EXOC6B: variants seen among roughly 807,000 people sequenced by gnomAD.
EXOC6B encodes SEC15 homolog B.
EXOC6B carries 54 observed loss-of-function variants against 113.5 expected under a neutral mutation model. The ratio of observed to expected loss-of-function variants is 0.48; its 90% CI spans 0.38 to 0.60. EXOC6B has a LOEUF of 0.60. Among genes scored for constraint, EXOC6B ranks in the 20% least tolerant of loss-of-function variants. The pLI, the probability that EXOC6B is intolerant of heterozygous loss-of-function variation, is 0.00. For missense variants in EXOC6B, 797 were observed against 977.5 expected, an observed-to-expected ratio of 0.82 and a Z score of 2.46; for synonymous variants, 357 against 339.0, an observed-to-expected ratio of 1.05 and a Z score of -0.58.
intron 6 of EXOC6B, among the ~76,000 whole-genome samples, chr2:72,605,682 G>T (rs1670711339): frequency 6.6e-6 from 1 of 152,122 alleles, no homozygotes; most frequent in African/African-American, 2.4e-5. Flanking sequence ...TATATACTAA[G>T]GACTGCGTCA....
At chr2:72,461,716 T>C (rs564067108) in intron 18 of EXOC6B, 1 of 152,038 alleles carries the variant, frequency 6.6e-6, no homozygotes, top group African/African-American at 2.4e-5. Flanking sequence ...GGGAATTACA[T>C]AGTAAAAAGG....
At chr2:72,209,480 C>T (rs986629629) in intron 20 of EXOC6B, among the ~76,000 whole-genome samples, 7 of 152,066 alleles carry the variant, frequency 4.6e-5, no homozygotes, top group Non-Finnish European at 8.8e-5. Context: ...TGCCACTGTA[C>T]TCCAGCCTGG....
intron 20 of EXOC6B, among the ~76,000 whole-genome samples, chr2:72,230,100 AG>A (rs1408679168): frequency 6.6e-6 from 1 of 152,108 alleles, no homozygotes; most frequent in East Asian, 1.9e-4. Context: ...GGAAAAAAAA[AG>A]GGTTCTGCAA....
At chr2:72,266,566 G>T (rs1451885435) in intron 20 of EXOC6B, among the ~76,000 whole-genome samples, 4 of 151,924 alleles carry the variant, frequency 2.6e-5, no homozygotes, top group Admixed American at 2.0e-4. Context: ...GATAGTTGTA[G>T]ATATGCGGTG....
intron 7 of EXOC6B, among the ~76,000 whole-genome samples, chr2:72,566,114 T>C (rs1346408161): frequency 6.6e-6 from 1 of 152,116 alleles, no homozygotes; most frequent in Non-Finnish European, 1.5e-5. Context: ...CCTGTAATCA[T>C]CATCATAATC....
At chr2:72,514,058 C>T (rs1319786500) in intron 10 of EXOC6B, among the ~76,000 whole-genome samples, 2 of 152,010 alleles carry the variant, frequency 1.3e-5, no homozygotes, top group African/African-American at 2.4e-5. Flanking sequence ...AATGTAATTC[C>T]GTACCACTAT....
intron 5 of EXOC6B, chr2:72,721,917 G>A (rs1573688969): frequency 6.6e-6 from 1 of 150,416 alleles, no homozygotes. Flanking sequence ...ATGGATTTTT[G>A]CAGCAGGGAG....
At chr2:72,360,091 T>C (rs1267746994) in intron 19 of EXOC6B, among the ~76,000 whole-genome samples, 8 of 151,990 alleles carry the variant, frequency 5.3e-5, no homozygotes, top group Non-Finnish European at 1.2e-4. Flanking sequence ...CAGCCTCAGA[T>C]ACTTTTTTTT....
rs553385726 is a variant in EXOC6B, at chr2:72,674,606, C to T, written c.669+43497G>A. On this transcript the variant is annotated intron_variant, in intron 6 of 21. Transcript: ENST00000272427. ...AAGCACTTTGGGAGGCCGAGGCGGG[C>T]GGATCACAAGTTCAAGAGATTGAGA... 1.6e-4 allele frequency among the ~76,000 whole-genome samples: 25 copies of T among 151,910 alleles called. No individual in the cohort carries two copies. The South Asian group carries it at 2.7e-3, about 16-fold the overall frequency.
chr2:72,380,729 T>C (rs889922090), intron 18 of EXOC6B, among the ~76,000 whole-genome samples: 4 of 152,208 alleles, frequency 2.6e-5, no homozygotes, highest in African/African-American at 9.6e-5. Flanking sequence ...TTTGTTTTCT[T>C]AGAAAATACT....
At chr2:72,260,611 A>G (rs983063384) in intron 20 of EXOC6B, among the ~76,000 whole-genome samples, 5 of 152,222 alleles carry the variant, frequency 3.3e-5, no homozygotes, top group African/African-American at 1.2e-4. Flanking sequence ...AGGCTCCAGA[A>G]GACTCCGGCA....
intron 20 of EXOC6B, among the ~76,000 whole-genome samples, chr2:72,205,376 A>G (rs945129286): frequency 3.2e-4 from 49 of 151,908 alleles, no homozygotes; most frequent in Non-Finnish European, 6.5e-4. Flanking sequence ...AAAAAAAAAA[A>G]GGATATTCCA....
chr2:72,442,757 A>T (rs183333897), intron 18 of EXOC6B, among the ~76,000 whole-genome samples: 1 of 152,340 alleles, frequency 6.6e-6, no homozygotes, highest in African/African-American at 2.4e-5. Flanking sequence ...ATACATTTTT[A>T]AAAAGTCCAT....
intron 5 of EXOC6B, among the ~76,000 whole-genome samples, chr2:72,720,881 A>G (rs1226335114): frequency 6.6e-6 from 1 of 152,124 alleles, no homozygotes; most frequent in Non-Finnish European, 1.5e-5. Flanking sequence ...AAAAAAAGGG[A>G]TGATATTTGT....
chr2:72,814,744 C>T (rs748482630), intron 1 of EXOC6B, among the ~76,000 whole-genome samples: 1 of 152,216 alleles, frequency 6.6e-6, no homozygotes, highest in African/African-American at 2.4e-5. Context: ...GTAATCCCAG[C>T]ACTTTGGGAG....
At chr2:72,265,806 T>G (rs1394916728) in intron 20 of EXOC6B, among the ~76,000 whole-genome samples, 1 of 152,080 alleles carries the variant, frequency 6.6e-6, no homozygotes, top group African/African-American at 2.4e-5. Flanking sequence ...ATTTCTAGTT[T>G]TAGATCCCTG....
chr2:72,450,768 A>C (rs1294059447), intron 18 of EXOC6B, among the ~76,000 whole-genome samples: 1 of 152,210 alleles, frequency 6.6e-6, no homozygotes, highest in Non-Finnish European at 1.5e-5. Flanking sequence ...AGGAATAGTC[A>C]TAGTCATATC....
intron 20 of EXOC6B, among the ~76,000 whole-genome samples, chr2:72,213,631 T>C (rs1680330520): frequency 1.3e-5 from 2 of 152,156 alleles, no homozygotes; most frequent in South Asian, 4.1e-4. Context: ...ATGATCTAAA[T>C]GAGTGCATCT....
At chr2:72,511,432 C>T (rs1700887806) in intron 11 of EXOC6B, among the ~76,000 whole-genome samples, 1 of 152,088 alleles carries the variant, frequency 6.6e-6, no homozygotes, top group African/African-American at 2.4e-5. Flanking sequence ...TACAATTAAT[C>T]TTACTTCCTA....
Sources: allele counts gnomAD v4.1 joint callset (sites outside exome capture counted in the v4.1 genomes callset), GRCh38; gene constraint gnomAD v4.1.1; transcripts MANE v1.5; gene names NCBI Gene and HGNC (gene_info 2026-07-23, HGNC 2026-07-21).